The following UTP6 variants were observed in gnomAD, a reference collection of about 807,000 sequenced individuals.
The protein encoded by UTP6 is U3 small nucleolar RNA-associated protein 6 homolog.
In UTP6, 60 loss-of-function variants were observed where a neutral mutation model predicts 96.5. The ratio of observed to expected loss-of-function variants is 0.62; its 90% confidence interval spans 0.51 to 0.77. UTP6 has a LOEUF of 0.77. UTP6 is among the 30% of genes least tolerant of loss of function. UTP6 has a pLI of 0.00. For missense variants in UTP6, 637 were observed against 706.5 expected, an observed-to-expected ratio of 0.90 and a Z score of 1.12; for synonymous variants, 215 against 240.1, an observed-to-expected ratio of 0.90 and a Z score of 0.96.
intron 4 of UTP6, 45 bp downstream of exon 4, chr17:31,894,600 C>T (rs1567793124): frequency 7.4e-7 from 1 of 1,352,586 alleles, no homozygotes. Flanking sequence ...ATGTATAATA[C>T]TTATCTTCAC....
intron 6 of UTP6, 52 bp from the exon 7 acceptor site, chr17:31,889,455 C>G (rs1567790044): frequency 7.7e-7 from 1 of 1,306,732 alleles, no homozygotes; most frequent in Non-Finnish European, 1.1e-6. Flanking sequence ...TCAAGTCAGA[C>G]AAGAAAAGAA....
chr17:31,865,575 A>G, intron 17 of UTP6, 137 bp from the exon 18 acceptor site: 1 of 779,726 alleles, frequency 1.3e-6, no homozygotes, highest in South Asian at 1.7e-5. Context: ...TTGGCTCTCA[A>G]CTTTTCTAGG....
chr17:31,896,543 T>C (rs1904656618), intron 2 of UTP6, among the ~76,000 whole-genome samples: 2 of 152,226 alleles, frequency 1.3e-5, no homozygotes, highest in South Asian at 4.1e-4. Context: ...GTTCTTTATA[T>C]ATGTGTATAT....
chr17:31,870,379 A>G (rs777542452), intron 16 of UTP6, among the ~76,000 whole-genome samples: 3 of 152,042 alleles, frequency 2.0e-5, no homozygotes, highest in Non-Finnish European at 4.4e-5. Context: ...ATGGTATCTC[A>G]TTGTGGTTTT....
intron 5 of UTP6, 72 bp from the exon 6 acceptor site, chr17:31,892,395 C>G (rs1904374262): frequency 1.5e-5 from 21 of 1,446,528 alleles, no homozygotes; most frequent in Middle Eastern, 3.7e-4. Flanking sequence ...GTAATATGTA[C>G]CCTAACTTTA....
chr17:31,888,016 C>T (rs370778737), intron 7 of UTP6: 1 of 137,434 alleles, frequency 7.3e-6, no homozygotes, highest in South Asian at 2.4e-4. Flanking sequence ...TTTATCCTGA[C>T]AAATGACTCA....
chr17:31,901,267 GA>G, intron 1 of UTP6: 1 of 452,658 alleles, frequency 2.2e-6, no homozygotes, highest in Non-Finnish European at 4.1e-6. Flanking sequence ...AGCTCCTAAT[GA>G]GCAGGAATCC....
chr17:31,889,418 C>T lies in UTP6; in HGVS notation c.425-15G>A, dbSNP rs777604283. On this transcript the variant is annotated splice_polypyrimidine_tract_variant and intron_variant, in intron 6 of 18. Coordinates refer to ENST00000261708, the MANE Select transcript of UTP6 (RefSeq NM_018428.3). ...AATCCACAAAGCTGTAAGTGAAAAA[C>T]CATCAGATTTCATTTCAATAAATTA... 2.5e-6 allele frequency: 4 copies of T among 1,583,904 alleles called. No homozygotes were observed. In the South Asian group the frequency reaches 4.4e-5, roughly 18 times the overall value.
rs373369309 is a variant in UTP6, at chr17:31,875,558, C to T, written c.1126-145G>A. On this transcript the variant is annotated intron_variant, in intron 13 of 18. Transcript: ENST00000261708. ...ATAAAAAAGAGGCCAGGTGTGGTGGCTCACACCTGTAACCCCAGCACTTTG... is the reference window on the plus strand; with the variant it reads ...ATAAAAAAGAGGCCAGGTGTGGTGGTTCACACCTGTAACCCCAGCACTTTG... 1.7e-5 allele frequency: 16 copies of T among 940,030 alleles called. No individual in the cohort carries two copies. In the African/African-American group the frequency reaches 2.0e-4, roughly 12 times the overall value. The allele number at this position is 940,030 out of a possible 1,614,324, so 58.2% of individuals were successfully genotyped here.
chr17:31,869,424 T>C (rs1212945701), intron 16 of UTP6, among the ~76,000 whole-genome samples: 1 of 152,148 alleles, frequency 6.6e-6, no homozygotes, highest in Non-Finnish European at 1.5e-5. Flanking sequence ...CACCTCAGCC[T>C]TGGCTTCCCA....
In UTP6 at chr17:31,875,053, T is replaced by C. The variant is rs531409152; in HGVS notation, c.1305+181A>G. 8.5e-5 allele frequency among the ~76,000 whole-genome samples: 13 copies of C among 152,274 alleles called. No individual in the cohort carries two copies. The South Asian group carries it at 2.7e-3, about 32-fold the overall frequency. ...AAGTTTTATTTAATTTGGTTAACTT[T>C]CAAATAAAGGATATTAAATAGAAGC... On this transcript the variant is annotated intron_variant, in intron 14 of 18. Coordinates refer to ENST00000261708, the MANE Select transcript of UTP6 (RefSeq NM_018428.3).
In UTP6 at chr17:31,875,394, T is replaced by C; in HGVS notation, c.1145A>G (p.Tyr382Cys). The part of the protein sequence containing the change: ...YKQLSVSLLC[Y>C]NFLREALEVA... ...TTCCAGAGCTTCCCTCAGGAAGTTA[T>C]AACACAGCAACGAAACACTCTAGAC... is the stretch of plus-strand genomic sequence containing the variant. The change falls in exon 14 of 19, where the codon TAT becomes TGT. Residue 382 changes from tyrosine (Y) to cysteine (C), a missense_variant. Tyr to Cys is a radical substitution (Grantham distance 194, BLOSUM62 -2). Transcript: ENST00000261708. 2 of 1,614,082 alleles carry C rather than the reference T, an allele frequency of 1.2e-6. No homozygotes were observed. Among genetic ancestry groups the C allele is most frequent in the Admixed American group, 3.3e-5 (2 of 59,978 alleles).
intron 2 of UTP6, among the ~76,000 whole-genome samples, chr17:31,896,951 T>C (rs1173660063): frequency 6.6e-6 from 1 of 152,050 alleles, no homozygotes; most frequent in East Asian, 1.9e-4. Context: ...AAATCAGTCT[T>C]TTCTCTCATG....
At chr17:31,900,829 C>G (rs1278368323) in intron 1 of UTP6, among the ~76,000 whole-genome samples, 1 of 152,170 alleles carries the variant, frequency 6.6e-6, no homozygotes. Flanking sequence ...GCAAGATGTG[C>G]AAGACAGGTG....
intron 11 of UTP6, 147 bp downstream of exon 11, chr17:31,880,422 CAATA>C: frequency 2.3e-6 from 2 of 885,686 alleles, no homozygotes; most frequent in Non-Finnish European, 3.3e-6. Flanking sequence ...CTCTGCCTCC[CAATA>C]AAAAAAAAAA....
chr17:31,878,567 A>T, intron 12 of UTP6, 135 bp downstream of exon 12: 1 of 900,084 alleles, frequency 1.1e-6, no homozygotes, highest in Non-Finnish European at 1.7e-6. Context: ...ATGTCACGTC[A>T]CCCACAAGGA....
intron 16 of UTP6, among the ~76,000 whole-genome samples, chr17:31,869,718 T>A (rs1452934849): frequency 6.6e-6 from 1 of 152,168 alleles, no homozygotes; most frequent in Non-Finnish European, 1.5e-5. Flanking sequence ...GCAGGTTTGT[T>A]ATGTGTGTAT....
intron 10 of UTP6, among the ~76,000 whole-genome samples, chr17:31,881,808 C>T (rs1358054721): frequency 1.3e-5 from 2 of 152,108 alleles, no homozygotes; most frequent in African/African-American, 4.8e-5. Context: ...ATCCTCCCAC[C>T]TCAGCCTCCC....
Position 31,892,450 on chromosome 17 carries a change from T to C in UTP6, c.361-127A>G, listed in dbSNP as rs1261579942. 4 of 983,220 alleles carry C rather than the reference T, an allele frequency of 4.1e-6. No individual in the cohort carries two copies. The East Asian group carries it at 1.0e-4, about 26-fold the overall frequency. The allele number at this position is 983,220 out of a possible 1,614,324, so 60.9% of individuals were successfully genotyped here. A position where few individuals can be genotyped will look rare whatever the true frequency, so the allele number is the denominator to read the frequency against. On this transcript the variant is annotated intron_variant, in intron 5 of 18. Coordinates refer to ENST00000261708, the MANE Select transcript of UTP6 (RefSeq NM_018428.3). ...GAGCATGACATGCTATTGCTAGGGA[T>C]ATATAAACGAACACAGACCCTCAAA...
Sources: gnomAD v4.1 joint callset for allele counts (sites outside exome capture counted in the v4.1 genomes callset) on GRCh38, gnomAD v4.1.1 for gene constraint, MANE v1.5 for transcripts, NCBI Gene and HGNC (gene_info 2026-07-23, HGNC 2026-07-21) for gene names.